Variants in KLHL32 observed in about 807,000 individuals in gnomAD.
KLHL32 encodes the protein kelch like family member 32.
A neutral mutation model predicts 64.8 loss-of-function variants in KLHL32; 35 were observed. The observed-to-expected ratio is 0.54, with a 90% CI of 0.41 to 0.72. The LOEUF (loss-of-function observed/expected upper bound fraction) is 0.72, where lower values mean the gene tolerates loss of function less well. Ranked by LOEUF, KLHL32 falls within the 30% of genes least tolerant of loss-of-function variation. KLHL32 has a pLI of 0.00. For missense variants in KLHL32, 589 were observed against 768.5 expected (o/e 0.77, Z 2.76); for synonymous variants, 259 against 281.0 (o/e 0.92, Z 0.78).
chr6:97,066,277 G>A (rs990894721), intron 5 of KLHL32, among the ~76,000 whole-genome samples: 1 of 152,174 alleles, frequency 6.6e-6, no homozygotes, highest in African/African-American at 2.4e-5. Context: ...TTATCATGAT[G>A]TACATTATAA....
intron 3 of KLHL32, among the ~76,000 whole-genome samples, chr6:97,025,635 C>T (rs1257978490): frequency 1.3e-5 from 2 of 152,212 alleles, no homozygotes; most frequent in African/African-American, 4.8e-5. Flanking sequence ...AATTGAAGGG[C>T]CTACCAGTTT....
intron 6 of KLHL32, among the ~76,000 whole-genome samples, chr6:97,098,519 T>G (rs1364756455): frequency 6.6e-6 from 1 of 152,228 alleles, no homozygotes; most frequent in African/African-American, 2.4e-5. Flanking sequence ...TGTTCTATTT[T>G]CACATTATTT....
intron 6 of KLHL32, among the ~76,000 whole-genome samples, chr6:97,113,431 G>A (rs1797434624): frequency 6.6e-6 from 1 of 152,018 alleles, no homozygotes; most frequent in African/African-American, 2.4e-5. Flanking sequence ...CTGGTGGTGG[G>A]GTGTACTGAG....
At chr6:96,987,409 G>A (rs985185096) in intron 3 of KLHL32, among the ~76,000 whole-genome samples, 3 of 152,022 alleles carry the variant, frequency 2.0e-5, no homozygotes, top group Non-Finnish European at 4.4e-5. Context: ...GGTATGTTGT[G>A]TCTTTGTTCT....
rs1210709004 is a variant in KLHL32 at position 97,055,813 on chromosome 6, A to G, written c.313-8815A>G. ...AACCTGTCTAAAAAAAAAAAAAAAAAAAAAAAAAACCCCTTCTTATTTCTA... is the reference window on the plus strand; with the variant it reads ...AACCTGTCTAAAAAAAAAAAAAAAAGAAAAAAAAACCCCTTCTTATTTCTA... On this transcript the variant is annotated intron_variant, in intron 4 of 10. Coordinates refer to ENST00000369261, the MANE Select transcript of KLHL32 (RefSeq NM_052904.4). 3.6e-5 allele frequency among the ~76,000 whole-genome samples: 5 copies of G among 138,446 alleles called. 1 individual carries two copies. Among genetic ancestry groups the G allele is most frequent in the Non-Finnish European group, 6.4e-5 (4 of 62,658 alleles). 90.8% of individuals were successfully genotyped at this position (138,446 alleles called of 152,430 possible).
intron 4 of KLHL32, among the ~76,000 whole-genome samples, chr6:97,048,672 C>T (rs1223236543): frequency 1.3e-5 from 2 of 152,076 alleles, no homozygotes; most frequent in Admixed American, 6.5e-5. Context: ...ACTGTATTCC[C>T]CACAGCAGAA....
At chr6:96,972,356 T>C (rs1212427527) in intron 2 of KLHL32, among the ~76,000 whole-genome samples, 2 of 152,314 alleles carry the variant, frequency 1.3e-5, no homozygotes, top group South Asian at 2.1e-4. Context: ...TCAGTGACCA[T>C]GTGTGGTTAG....
intron 5 of KLHL32, among the ~76,000 whole-genome samples, chr6:97,070,697 AAGCT>A (rs1790573748): frequency 1.3e-5 from 2 of 152,194 alleles, no homozygotes; most frequent in African/African-American, 4.8e-5. Flanking sequence ...TTTCAAACCT[AAGCT>A]AACTGTTGTC....
chr6:97,052,976 G>A (rs1293422422), intron 4 of KLHL32, among the ~76,000 whole-genome samples: 2 of 152,002 alleles, frequency 1.3e-5, no homozygotes. Flanking sequence ...AATCTCCTTA[G>A]TATTTTCACC....
chr6:96,902,530 T>C, the KLHL32 span, among the ~76,000 whole-genome samples: 8 of 152,364 alleles, frequency 5.3e-5, no homozygotes, highest in South Asian at 4.1e-4. Context: ...TTTTCTCCCA[T>C]TCTGTAGGTT....
At chr6:96,934,018 A>G (rs1424770231) in intron 1 of KLHL32, among the ~76,000 whole-genome samples, 1 of 152,194 alleles carries the variant, frequency 6.6e-6, no homozygotes, top group Non-Finnish European at 1.5e-5. Flanking sequence ...AGATAATCTC[A>G]CTTTTCTCAC....
chr6:97,080,473 A>G (rs1792328902), intron 5 of KLHL32, among the ~76,000 whole-genome samples: 1 of 152,256 alleles, frequency 6.6e-6, no homozygotes, highest in African/African-American at 2.4e-5. Context: ...CATGAGACAC[A>G]ATCTTTGCTT....
rs562196047 is a variant in KLHL32, at chr6:97,000,638, G to A, written c.204+24461G>A. On this transcript the variant is annotated intron_variant, in intron 3 of 10. Transcript: ENST00000369261. ...TTGAAAATACTTGTGCCATTTTCTA[G>A]ACATCAAATAAAACTTGCAAGAATG... Among the ~76,000 whole-genome samples, 14 of 152,282 alleles carry A rather than the reference G, an allele frequency of 9.2e-5. No homozygotes were observed. In the South Asian group the frequency reaches 2.7e-3, roughly 29 times the overall value.
At chr6:97,068,670 A>G (rs1455701580) in intron 5 of KLHL32, among the ~76,000 whole-genome samples, 2 of 152,174 alleles carry the variant, frequency 1.3e-5, no homozygotes, top group Non-Finnish European at 2.9e-5. Flanking sequence ...GAAATCACTC[A>G]TTTGTTCTAA....
chr6:96,999,426 G>A (rs1024206367), intron 3 of KLHL32: 25 of 453,056 alleles, frequency 5.5e-5, no homozygotes, highest in African/African-American at 3.2e-4. Flanking sequence ...GTTAATTTCC[G>A]TTTTTGTTTG....
At chr6:96,948,128 GT>G (rs1302002685) in intron 1 of KLHL32, among the ~76,000 whole-genome samples, 2 of 152,166 alleles carry the variant, frequency 1.3e-5, no homozygotes, top group Non-Finnish European at 2.9e-5. Flanking sequence ...AATTGTGAGA[GT>G]TTTTGCTCTC....
chr6:97,083,191 A>T, intron 5 of KLHL32, among the ~76,000 whole-genome samples: 1 of 152,232 alleles, frequency 6.6e-6, no homozygotes, highest in South Asian at 2.1e-4. Flanking sequence ...GGAGTTCAAG[A>T]CCAGCCTGAC....
intron 10 of KLHL32, among the ~76,000 whole-genome samples, chr6:97,134,419 C>G (rs568744252): frequency 6.6e-6 from 1 of 152,174 alleles, no homozygotes; most frequent in Admixed American, 6.5e-5. Context: ...ACTTTTCTCT[C>G]AAAGAGTGCT....
chr6:96,979,644 T>C (rs1297093849), intron 3 of KLHL32, among the ~76,000 whole-genome samples: 2 of 152,216 alleles, frequency 1.3e-5, no homozygotes, highest in Admixed American at 6.5e-5. Context: ...CTATTTGGGC[T>C]CTTTTATGGT....
Sources: allele counts gnomAD v4.1 joint callset (sites outside exome capture counted in the v4.1 genomes callset), GRCh38; gene constraint gnomAD v4.1.1; transcripts MANE v1.5; gene names NCBI Gene and HGNC (gene_info 2026-07-23, HGNC 2026-07-21).